XKR7: variants seen among roughly 807,000 people sequenced by gnomAD.
XKR7 encodes XK-related protein 7.
XKR7 carries 11 observed loss-of-function variants against 42.2 expected under a neutral mutation model. The ratio of observed to expected loss-of-function variants is 0.26; its 90% CI spans 0.16 to 0.43. The LOEUF is 0.43. Among genes scored for constraint, XKR7 ranks in the 20% least tolerant of loss-of-function variants. The pLI is 1.00. For synonymous variants in XKR7, 346 were observed against 366.4 expected (o/e 0.94, Z 0.64); for missense variants, 710 against 802.2 (o/e 0.89, Z 1.39).
chr20:31,980,151 A>G (rs1012993635), intron 1 of XKR7, among the ~76,000 whole-genome samples: 1 of 150,840 alleles, frequency 6.6e-6, no homozygotes, highest in Admixed American at 6.6e-5. Flanking sequence ...AAAAAAAAAA[A>G]GAGGTGCTGT....
At chr20:31,971,431 AAAATCTT>A (rs2064465236) in intron 1 of XKR7, among the ~76,000 whole-genome samples, 1 of 152,250 alleles carries the variant, frequency 6.6e-6, no homozygotes, top group Non-Finnish European at 1.5e-5. Context: ...CCTTGCCCCC[AAAATCTT>A]TGGATTCTAA....
rs541291593 is a variant in XKR7, at chr20:31,974,142, G to A, written c.584+5383G>A. On this transcript the variant is annotated intron_variant, in intron 1 of 2. Coordinates refer to ENST00000562532, the MANE Select transcript of XKR7 (RefSeq NM_001011718.2). The stretch of plus-strand genomic sequence containing the variant: ...TGGCAGGTGGAGGTTGCAGTGAGCC[G>A]AGAGTGAGCCACTGCACTCCAGCCT... 1.3e-4 allele frequency among the ~76,000 whole-genome samples: 20 copies of A among 152,192 alleles called. No individual in the cohort carries two copies. The East Asian group carries it at 2.5e-3, about 19-fold the overall frequency.
chr20:31,979,360 A>G (rs1252483941), intron 1 of XKR7, among the ~76,000 whole-genome samples: 1 of 152,188 alleles, frequency 6.6e-6, no homozygotes, highest in Admixed American at 6.5e-5. Context: ...GATCACAGGC[A>G]TAAGCCACTA....
chr20:31,997,190 G>C lies in XKR7; in HGVS notation c.1473G>C (p.Glu491Asp), dbSNP rs1470306743. 1 of 1,610,010 alleles carries C rather than the reference G, an allele frequency of 6.2e-7. No individual in the cohort carries two copies. Among genetic ancestry groups the C allele is most frequent in the Non-Finnish European group, 8.5e-7 (1 of 1,179,938 alleles). ...GAERDGASAG[E>D]RAGTPTPPVF... ...AGCGGGATGGGGCCTCGGCGGGAGAGCGTGCAGGGACCCCCACCCCACCTG... is the reference window on the plus strand; with the variant it reads ...AGCGGGATGGGGCCTCGGCGGGAGACCGTGCAGGGACCCCCACCCCACCTG... The change falls in exon 3 of 3, where the codon GAG (glutamate) becomes GAC (aspartate). Residue 491 changes from glutamate to aspartate, a missense_variant. Physicochemically the swap from Glu to Asp is conservative, Grantham distance 45. Coordinates refer to ENST00000562532, the MANE Select transcript of XKR7 (RefSeq NM_001011718.2).
In XKR7 at chr20:31,997,684, C is replaced by G; in HGVS notation, c.*227C>G. ...GGCCCATTCCCTAAATTCCCCTGAC[C>G]CAGGGCCTGGGGAATCATCTGGTGC... is the stretch of plus-strand genomic sequence containing the variant. On this transcript the variant is annotated 3_prime_UTR_variant, in exon 3 of 3. Transcript: ENST00000562532. 1.8e-6 allele frequency: 1 copy of G among 547,040 alleles called. No homozygotes were observed. The highest frequency in any genetic ancestry group is 3.2e-6 in the Non-Finnish European group (1 of 309,816). 33.9% of individuals were successfully genotyped at this position (547,040 alleles called of 1,614,324 possible). A position where few individuals can be genotyped will look rare whatever the true frequency, so the allele number is the denominator to read the frequency against.
At chr20:31,980,294 G>T (rs2064506004) in intron 1 of XKR7, among the ~76,000 whole-genome samples, 1 of 152,206 alleles carries the variant, frequency 6.6e-6, no homozygotes, top group Admixed American at 6.5e-5. Flanking sequence ...GACAACCCCA[G>T]GAAGGTCCTA....
chr20:31,984,998 C>G (rs539444320), intron 1 of XKR7, among the ~76,000 whole-genome samples: 1 of 152,140 alleles, frequency 6.6e-6, no homozygotes, highest in Admixed American at 6.5e-5. Context: ...GGGATGGATA[C>G]GTTCATATGT....
chr20:31,989,374 C>T (rs1280137493), intron 1 of XKR7, among the ~76,000 whole-genome samples: 2 of 151,928 alleles, frequency 1.3e-5, no homozygotes, highest in South Asian at 2.1e-4. Context: ...AGGGCCTGCA[C>T]GCCGAGGGGA....
chr20:31,995,410 C>A lies in XKR7; in HGVS notation c.787+140C>A. 1.4e-6 allele frequency: 2 copies of A among 1,388,738 alleles called. No homozygotes were observed. The highest frequency in any genetic ancestry group is 2.7e-5 in the South Asian group (2 of 74,350). 86.0% of individuals were successfully genotyped at this position (1,388,738 alleles called of 1,614,324 possible). A position where few individuals can be genotyped will look rare whatever the true frequency, so the allele number is the denominator to read the frequency against. ...CAGTCAGGGTTTAGGGAGGCCTGCC[C>A]CTTCTACCCTCACCACCCTCCAGGC... On this transcript the variant is annotated intron_variant, in intron 2 of 2. Transcript: ENST00000562532. The surrounding 1 kb of genome is among the most constrained non-coding windows in gnomAD (Gnocchi z 4.1).
rs1349267746 is a variant in XKR7, at chr20:32,000,555, G to C, written c.*3098G>C. 6.6e-6 allele frequency: 1 copy of C among 152,438 alleles called. No homozygotes were observed. The highest frequency in any genetic ancestry group is 1.5e-5 in the Non-Finnish European group (1 of 68,238). 9.4% of individuals were successfully genotyped at this position (152,438 alleles called of 1,614,324 possible). On this transcript the variant is annotated 3_prime_UTR_variant, in exon 3 of 3. Transcript: ENST00000562532. ...CACACAGGAAGTCAGTGGCAGTTAG[G>C]ATTTCCCTGGGGATGAGAGGTAGTT...
intron 1 of XKR7, among the ~76,000 whole-genome samples, chr20:31,990,871 C>T (rs2064567486): frequency 6.6e-6 from 1 of 152,132 alleles, no homozygotes; most frequent in Non-Finnish European, 1.5e-5. Context: ...GAAGGAACAG[C>T]CACAGTTTTG....
chr20:31,972,322 C>T (rs2064469056), intron 1 of XKR7, among the ~76,000 whole-genome samples: 1 of 152,218 alleles, frequency 6.6e-6, no homozygotes, highest in South Asian at 2.1e-4. Flanking sequence ...GGTGATCAGT[C>T]CCAAACCTAG....
chr20:31,980,199 C>T (rs1299784805), intron 1 of XKR7, among the ~76,000 whole-genome samples: 1 of 151,980 alleles, frequency 6.6e-6, no homozygotes. Context: ...GGGAGACAGC[C>T]CAGCTCCAGC....
intron 1 of XKR7, among the ~76,000 whole-genome samples, chr20:31,981,113 C>A (rs2064510496): frequency 6.7e-6 from 1 of 149,638 alleles, no homozygotes; most frequent in African/African-American, 2.5e-5. Context: ...TGCCTGTAAT[C>A]CTAGCACTTT....
rs747909741 is a variant in XKR7, at chr20:31,985,374, C to T, written c.585-9694C>T. 2.4e-4 allele frequency among the ~76,000 whole-genome samples: 37 copies of T among 151,948 alleles called. 1 individual carries two copies. The highest frequency in any genetic ancestry group is 9.7e-4 in the East Asian group (5 of 5,178). ...AACACACACTCGGAAATGCTGAGACCGACAGATGGAGGAGCTGAGGATGTG... is the reference window on the plus strand; with the variant it reads ...AACACACACTCGGAAATGCTGAGACTGACAGATGGAGGAGCTGAGGATGTG... On this transcript the variant is annotated intron_variant, in intron 1 of 2. Transcript: ENST00000562532.
intron 1 of XKR7, among the ~76,000 whole-genome samples, chr20:31,977,282 G>A (rs1429096319): frequency 6.6e-6 from 1 of 152,132 alleles, no homozygotes; most frequent in Non-Finnish European, 1.5e-5. Flanking sequence ...CAGAATCTTG[G>A]ACAAGTCACT....
intron 1 of XKR7, among the ~76,000 whole-genome samples, chr20:31,994,135 C>T (rs1170024981): frequency 6.6e-6 from 1 of 152,108 alleles, no homozygotes; most frequent in Non-Finnish European, 1.5e-5. Flanking sequence ...GGGCACTGAG[C>T]TGTGAGGATC....
At position 31,997,026 on chromosome 20, in the gene XKR7, T is replaced by C. The variant is rs771530908; in HGVS notation, c.1309T>C (p.Cys437Arg). The C allele has an allele frequency of 3.1e-6, 5 of 1,614,086 alleles. No homozygotes were observed. The South Asian group carries it at 4.4e-5, about 14-fold the overall frequency. ...LGIFFMCVYY[C>R]LLHPNGPMLG... is the part of the protein sequence containing the mutation. ...CATATTCTTCATGTGTGTCTACTAC[T>C]GTCTCCTGCACCCCAATGGGCCCAT... The change falls in exon 3 of 3, where the codon TGT becomes CGT. Residue 437 changes from cysteine to arginine, a missense_variant. Physicochemically the swap from Cys to Arg is radical, Grantham distance 180. This residue lies in a region of XKR7 where 708 missense variants were observed against 786.2 expected (regional missense o/e 0.90). Coordinates refer to ENST00000562532, the MANE Select transcript of XKR7 (RefSeq NM_001011718.2).
At chr20:31,994,143 A>T (rs1426037275) in intron 1 of XKR7, among the ~76,000 whole-genome samples, 1 of 152,060 alleles carries the variant, frequency 6.6e-6, no homozygotes. Context: ...AGCTGTGAGG[A>T]TCTCACCTCA....
Sources: allele counts gnomAD v4.1 joint callset (sites outside exome capture counted in the v4.1 genomes callset), GRCh38; gene constraint gnomAD v4.1.1; regional missense constraint gnomAD v4.1.1; non-coding constraint Gnocchi (gnomAD v3.1); transcripts MANE v1.5; gene names NCBI Gene and HGNC (gene_info 2026-07-23, HGNC 2026-07-21).